The following SMC6 variants were observed in gnomAD, a reference collection of about 807,000 sequenced individuals.
SMC6 encodes structural maintenance of chromosomes 6.
SMC6 carries 79 observed loss-of-function variants against 142.2 expected under a neutral mutation model. That is an observed-to-expected ratio of 0.56 (90% CI 0.46 to 0.67). The LOEUF (loss-of-function observed/expected upper bound fraction) is 0.67. Among genes scored for constraint, SMC6 ranks in the 30% least tolerant of loss-of-function variants. The pLI is 0.00. For synonymous variants in SMC6, 411 were observed against 412.4 expected, an observed-to-expected ratio of 1.00 and a Z score of 0.04; for missense variants, 1,072 against 1,284.0, an observed-to-expected ratio of 0.83 and a Z score of 2.52.
intron 18 of SMC6, among the ~76,000 whole-genome samples, chr2:17,704,151 C>T (rs1016244156): frequency 2.0e-5 from 3 of 151,114 alleles, no homozygotes; most frequent in African/African-American, 7.3e-5. Context: ...GAACAGGACA[C>T]TAGATTATAT....
At chr2:17,675,973 G>A (rs550884875) in intron 25 of SMC6, among the ~76,000 whole-genome samples, 3 of 151,964 alleles carry the variant, frequency 2.0e-5, no homozygotes, top group African/African-American at 2.4e-5. Context: ...CTATCCTATC[G>A]GGACTCCAAT....
chr2:17,717,995 A>C, intron 12 of SMC6, 82 bp downstream of exon 12: 1 of 1,385,128 alleles, frequency 7.2e-7, no homozygotes. Context: ...AAAAAAATAA[A>C]ATATAATAAA....
intron 9 of SMC6, among the ~76,000 whole-genome samples, chr2:17,721,605 A>G (rs767055693): frequency 9.2e-5 from 14 of 152,162 alleles, no homozygotes; most frequent in Non-Finnish European, 1.6e-4. Flanking sequence ...TGTTCCTCAA[A>G]GCAGAGTCAA....
intron 3 of SMC6, among the ~76,000 whole-genome samples, chr2:17,744,557 A>T (rs1402325572): frequency 1.3e-5 from 2 of 152,168 alleles, no homozygotes; most frequent in Non-Finnish European, 2.9e-5. Flanking sequence ...TTTCCTTTCC[A>T]AACTCTATAC....
At chr2:17,746,001 T>C in intron 2 of SMC6, 50 bp from the exon 3 acceptor site, 1 of 1,466,602 alleles carries the variant, frequency 6.8e-7, no homozygotes, top group Non-Finnish European at 9.0e-7. Flanking sequence ...TCCATATATA[T>C]TAAACTCAAC....
In SMC6 at chr2:17,745,948, A is replaced by T; in HGVS notation, c.-2T>A. On this transcript the variant is annotated 5_prime_UTR_variant, in exon 3 of 28. Transcript: ENST00000448223. ...ATTTTCTTCCTTTCTTTTGGCCATC[A>T]GGTCTGAACAAATATTTATAGTAAC... 10 of 1,596,840 alleles carry T rather than the reference A, an allele frequency of 6.3e-6. No individual in the cohort carries two copies. Among genetic ancestry groups the T allele is most frequent in the Non-Finnish European group, 8.5e-6 (10 of 1,172,186 alleles).
rs77887258 is a variant in SMC6, at chr2:17,739,019, C to G, written c.239-693G>C. On this transcript the variant is annotated intron_variant, in intron 4 of 27. Coordinates refer to ENST00000448223, the MANE Select transcript of SMC6 (RefSeq NM_001142286.2). ...GGAATATTGTCTCTTTCATTCAATA[C>G]TGTATCCCTAATATTAGCACATAAT... Among the ~76,000 whole-genome samples the G allele has an allele frequency of 2.7e-3, 415 of 152,234 alleles. 3 individuals carry two copies. The highest frequency in any genetic ancestry group is 9.3e-3 in the African/African-American group (386 of 41,522).
intron 3 of SMC6, among the ~76,000 whole-genome samples, chr2:17,744,385 T>C (rs1333714204): frequency 6.6e-6 from 1 of 152,240 alleles, no homozygotes. Flanking sequence ...AACGCCAGTA[T>C]ATAAAAGTAA....
rs575124021 is a variant in SMC6 at position 17,700,340 on chromosome 2, C to T, written c.2262G>A (p.Met754Ile). 1.2e-6 allele frequency: 2 copies of T among 1,607,348 alleles called. No homozygotes were observed. The highest frequency in any genetic ancestry group is 2.2e-5 in the South Asian group (2 of 89,516). ...EAQENKSKMKMVEEHMEQQKE... is the reference protein window; with the variant it reads ...EAQENKSKMKIVEEHMEQQKE... Reference sequence around the variant, plus strand: ...TTTGTTGCTCCATATGTTCCTCAACCATTTTCATTTTGCTTTTATTTTCCT... The same window carrying T: ...TTTGTTGCTCCATATGTTCCTCAACTATTTTCATTTTGCTTTTATTTTCCT... The change falls in exon 21 of 28, where the codon ATG becomes ATA. Residue 754 changes from methionine (M) to isoleucine (I), a missense_variant. Physicochemically the swap from Met to Ile is conservative, Grantham distance 10. Transcript: ENST00000448223.
intron 2 of SMC6, among the ~76,000 whole-genome samples, chr2:17,750,318 T>C (rs757787840): frequency 1.3e-5 from 2 of 152,228 alleles, no homozygotes; most frequent in Admixed American, 6.5e-5. Context: ...ATTAGTAGAA[T>C]TGGTGAGTAC....
At chr2:17,694,141 A>G (rs1667880599) in intron 23 of SMC6, among the ~76,000 whole-genome samples, 1 of 152,148 alleles carries the variant, frequency 6.6e-6, no homozygotes, top group African/African-American at 2.4e-5. Flanking sequence ...TGTGGGAGCT[A>G]AAAGAGTTGA....
rs1558346747 is a variant in SMC6, at chr2:17,703,088, T to A, written c.2142+69A>T. 6.0e-6 allele frequency: 6 copies of A among 1,004,958 alleles called. No individual in the cohort carries two copies. In the East Asian group the frequency reaches 1.6e-4, roughly 27 times the overall value. 62.3% of individuals were successfully genotyped at this position (1,004,958 alleles called of 1,614,324 possible). On this transcript the variant is annotated intron_variant, in intron 19 of 27. Transcript: ENST00000448223. ...GAATTGCTTGGAGTCAATAATGGGA[T>A]CTTAAAATCAACTTCGTAGTAGTAA...
intron 18 of SMC6, among the ~76,000 whole-genome samples, chr2:17,703,998 A>G (rs1668390342): frequency 6.6e-6 from 1 of 152,062 alleles, no homozygotes; most frequent in Non-Finnish European, 1.5e-5. Flanking sequence ...CAGTGCCCCT[A>G]ACCTCTGCAC....
At position 17,664,921 on chromosome 2, in the gene SMC6, G is replaced by C. The variant is rs1189622186; in HGVS notation, c.*578C>G. ...GAGTGAAAAACTGCGTCATTATCCAGTTCTGATACTGGTTATAAGCTCTTG... is the reference window on the plus strand; with the variant it reads ...GAGTGAAAAACTGCGTCATTATCCACTTCTGATACTGGTTATAAGCTCTTG... On this transcript the variant is annotated 3_prime_UTR_variant, in exon 28 of 28. Coordinates refer to ENST00000448223, the MANE Select transcript of SMC6 (RefSeq NM_001142286.2). 1.3e-5 allele frequency: 2 copies of C among 152,334 alleles called. No homozygotes were observed. The highest frequency in any genetic ancestry group is 2.9e-5 in the Non-Finnish European group (2 of 68,172). 9.4% of individuals were successfully genotyped at this position (152,334 alleles called of 1,614,324 possible).
intron 25 of SMC6, among the ~76,000 whole-genome samples, chr2:17,675,587 T>C (rs778998308): frequency 3.3e-5 from 5 of 152,136 alleles, no homozygotes; most frequent in Non-Finnish European, 5.9e-5. Flanking sequence ...AGATGTTTCA[T>C]CCTCATTTTT....
At chr2:17,706,512 C>CT (rs11339593) in intron 18 of SMC6, among the ~76,000 whole-genome samples, 97 of 147,890 alleles carry the variant, frequency 6.6e-4, no homozygotes, top group South Asian at 2.4e-3. Context: ...ATTTATAATT[C>CT]TTTTTTTTTT....
chr2:17,705,554 T>A (rs1668467075), intron 18 of SMC6, among the ~76,000 whole-genome samples: 1 of 152,002 alleles, frequency 6.6e-6, no homozygotes, highest in African/African-American at 2.4e-5. Context: ...GGTGACAGAG[T>A]GAGACCCTGT....
At chr2:17,744,202 T>C (rs749450698) in intron 3 of SMC6, among the ~76,000 whole-genome samples, 1 of 152,120 alleles carries the variant, frequency 6.6e-6, no homozygotes, top group Non-Finnish European at 1.5e-5. Flanking sequence ...TGAATGAGAG[T>C]TCCTGTTGCT....
chr2:17,733,878 G>C (rs1182311588), intron 5 of SMC6, among the ~76,000 whole-genome samples: 1 of 152,190 alleles, frequency 6.6e-6, no homozygotes, highest in East Asian at 1.9e-4. Flanking sequence ...TACAGACTAG[G>C]ACAGTAAGAC....
Sources: gnomAD v4.1 joint callset for allele counts (sites outside exome capture counted in the v4.1 genomes callset) on GRCh38, gnomAD v4.1.1 for gene constraint, MANE v1.5 for transcripts, NCBI Gene and HGNC (gene_info 2026-07-23, HGNC 2026-07-21) for gene names.